CLNK: variants seen among roughly 807,000 people sequenced by gnomAD.
CLNK encodes cytokine-dependent hematopoietic cell linker.
In CLNK, 74 loss-of-function variants were observed where a neutral mutation model predicts 68.6. The ratio of observed to expected loss-of-function variants is 1.08; its 90% CI spans 0.89 to 1.31. The LOEUF (loss-of-function observed/expected upper bound fraction) is 1.31, where lower values mean the gene tolerates loss of function less well. Ranked by LOEUF, CLNK falls within the 50% of genes most tolerant of loss-of-function variation. CLNK has a pLI of 0.00. For synonymous variants in CLNK, 198 were observed against 172.2 expected (o/e 1.15, Z -1.17); for missense variants, 553 against 515.3 (o/e 1.07, Z -0.71).
chr4:10,589,130 G>C lies in CLNK; in HGVS notation c.84-4175C>G, dbSNP rs146102295. On this transcript the variant is annotated intron_variant, in intron 3 of 18. Coordinates refer to ENST00000226951, the MANE Select transcript of CLNK (RefSeq NM_052964.4). ...ACACTTAATCATAATAATAAGTAAA[G>C]AGGGTGGGAGGAAACTTTTGGAGGT... 4.4e-3 allele frequency among the ~76,000 whole-genome samples: 672 copies of C among 152,306 alleles called. 5 individuals are homozygous for C. Among genetic ancestry groups the C allele is most frequent in the African/African-American group, 0.016 (657 of 41,570 alleles).
the CLNK span, among the ~76,000 whole-genome samples, chr4:10,726,739 AAGTGGG>A: frequency 6.6e-6 from 1 of 152,176 alleles, no homozygotes; most frequent in African/African-American, 2.4e-5. Flanking sequence ...GGGTAGTTTG[AAGTGGG>A]AAAGACATGC....
intron 3 of CLNK, among the ~76,000 whole-genome samples, chr4:10,594,446 C>A (rs963305610): frequency 3.9e-5 from 6 of 152,200 alleles, no homozygotes; most frequent in Admixed American, 1.3e-4. Context: ...ACATTGGCAC[C>A]CACAGGGAGG....
chr4:10,538,566 G>T lies in CLNK; in HGVS notation c.602+1928C>A, dbSNP rs200689047. 5.3e-5 allele frequency among the ~76,000 whole-genome samples: 8 copies of T among 152,296 alleles called. No homozygotes were observed. In the East Asian group the frequency reaches 1.2e-3, roughly 22 times the overall value. On this transcript the variant is annotated intron_variant, in intron 11 of 18. Coordinates refer to ENST00000226951, the MANE Select transcript of CLNK (RefSeq NM_052964.4). Reference sequence around the variant, plus strand: ...CCAACTCTGATAACACAGCTTCATGGGTTGGATGGTCTGTTATTATTGTTG... The same window carrying T: ...CCAACTCTGATAACACAGCTTCATGTGTTGGATGGTCTGTTATTATTGTTG...
the CLNK span, among the ~76,000 whole-genome samples, chr4:10,711,985 A>T: frequency 6.6e-6 from 1 of 152,160 alleles, no homozygotes; most frequent in Non-Finnish European, 1.5e-5. Context: ...GAGACAATGG[A>T]TATCGCGTTT....
At chr4:10,603,932 A>G (rs1721688953) in intron 2 of CLNK, among the ~76,000 whole-genome samples, 3 of 152,190 alleles carry the variant, frequency 2.0e-5, no homozygotes, top group Admixed American at 2.0e-4. Context: ...GGCTTTGGTT[A>G]TATTTTTTAG....
chr4:10,664,192 A>G (rs966701359), intron 2 of CLNK, among the ~76,000 whole-genome samples: 1 of 151,806 alleles, frequency 6.6e-6, no homozygotes, highest in African/African-American at 2.4e-5. Flanking sequence ...ATTCCACAAA[A>G]CTGGATGTAG....
intron 2 of CLNK, among the ~76,000 whole-genome samples, chr4:10,637,560 C>T (rs1211854851): frequency 6.8e-6 from 1 of 146,678 alleles, no homozygotes; most frequent in Admixed American, 6.9e-5. Context: ...ACTCCCAGCT[C>T]CTGGAACATG....
At chr4:10,699,295 C>CACACACCACATACGTGTAT in the CLNK span, among the ~76,000 whole-genome samples, 16 of 80,598 alleles carry the variant, frequency 2.0e-4, no homozygotes, top group African/African-American at 3.5e-4. Context: ...CGTGTATACA[C>CACACACCACATACGTGTAT]ACACACACCA....
At chr4:10,659,368 C>G (rs1309026530) in intron 2 of CLNK, among the ~76,000 whole-genome samples, 2 of 152,130 alleles carry the variant, frequency 1.3e-5, no homozygotes, top group Non-Finnish European at 2.9e-5. Flanking sequence ...TCTCAACAAC[C>G]CTTTGAGATA....
chr4:10,606,109 A>G (rs1200984857), intron 2 of CLNK, among the ~76,000 whole-genome samples: 2 of 152,232 alleles, frequency 1.3e-5, no homozygotes, highest in East Asian at 3.8e-4. Flanking sequence ...TCTTGTAATA[A>G]CACTTAAAAC....
chr4:10,599,894 C>A (rs1462932537), intron 2 of CLNK, among the ~76,000 whole-genome samples: 1 of 152,206 alleles, frequency 6.6e-6, no homozygotes, highest in Non-Finnish European at 1.5e-5. Flanking sequence ...TTCCTGGCCT[C>A]CTGGGTTCCA....
chr4:10,709,264 G>A, the CLNK span, among the ~76,000 whole-genome samples: 1 of 152,138 alleles, frequency 6.6e-6, no homozygotes, highest in Admixed American at 6.6e-5. Flanking sequence ...CATATTTACT[G>A]AGCACCCACT....
chr4:10,619,238 G>A (rs1365404602), intron 2 of CLNK, among the ~76,000 whole-genome samples: 1 of 152,158 alleles, frequency 6.6e-6, no homozygotes, highest in Non-Finnish European at 1.5e-5. Flanking sequence ...ATCTCCAAAG[G>A]CAATCGCTGG....
chr4:10,588,069 C>G (rs1157615139), intron 3 of CLNK, among the ~76,000 whole-genome samples: 1 of 152,120 alleles, frequency 6.6e-6, no homozygotes, highest in African/African-American at 2.4e-5. Context: ...TCAAAAGGCT[C>G]CCAGGACTTG....
chr4:10,674,562 C>A lies in CLNK; in HGVS notation c.-42-6651G>T, dbSNP rs191268338. On this transcript the variant is annotated intron_variant, in intron 1 of 18. Transcript: ENST00000226951. The stretch of plus-strand genomic sequence containing the variant: ...GAACTCTTTGGGGATCCAAAATGAA[C>A]CCCAGTTTGAGAAATAGTGTGTGTT... 2.4e-3 allele frequency among the ~76,000 whole-genome samples: 367 copies of A among 152,202 alleles called. 9 individuals carry two copies. Among genetic ancestry groups the A allele is most frequent in the East Asian group, 5.8e-3 (30 of 5,178 alleles).
At chr4:10,671,536 C>A (rs1281824606) in intron 1 of CLNK, among the ~76,000 whole-genome samples, 1 of 152,164 alleles carries the variant, frequency 6.6e-6, no homozygotes, top group African/African-American at 2.4e-5. Context: ...ACCTTGAAAG[C>A]ACCATACTCT....
At chr4:10,558,729 A>G (rs1026391511) in intron 7 of CLNK, among the ~76,000 whole-genome samples, 1 of 152,164 alleles carries the variant, frequency 6.6e-6, no homozygotes, top group African/African-American at 2.4e-5. Context: ...CACTGAGTAT[A>G]TTATTAACTT....
At position 10,632,868 on chromosome 4, in the gene CLNK, G is replaced by A. The variant is rs116455425; in HGVS notation, c.12-34819C>T. On this transcript the variant is annotated intron_variant, in intron 2 of 18. Coordinates refer to ENST00000226951, the MANE Select transcript of CLNK (RefSeq NM_052964.4). ...ACTATTTAAAAATACCTCAAAATTG[G>A]CCCAAATAAGCAGATGAGGCTGCTA... Among the ~76,000 whole-genome samples, 497 of 152,210 alleles carry A rather than the reference G, an allele frequency of 3.3e-3. 3 individuals carry two copies. The highest frequency in any genetic ancestry group is 0.012 in the African/African-American group (484 of 41,524).
At chr4:10,688,522 T>C (rs1275477433), upstream of CLNK, among the ~76,000 whole-genome samples, 2 of 152,174 alleles carry the variant, frequency 1.3e-5, no homozygotes, top group African/African-American at 2.4e-5. Context: ...TGCAAGGCTG[T>C]CAAGTTTTGG....
Sources: gnomAD v4.1 joint callset for allele counts (sites outside exome capture counted in the v4.1 genomes callset) on GRCh38, gnomAD v4.1.1 for gene constraint, MANE v1.5 for transcripts, NCBI Gene and HGNC (gene_info 2026-07-23, HGNC 2026-07-21) for gene names.